Variants in TMC5 observed in about 807,000 individuals in gnomAD.
TMC5 encodes transmembrane channel-like protein 5.
Under a neutral mutation model 110.5 loss-of-function variants are expected in TMC5, and 86 were observed. The ratio of observed to expected loss-of-function variants is 0.78; its 90% CI spans 0.65 to 0.93. TMC5 has a LOEUF of 0.93. Among genes scored for constraint, TMC5 ranks in the 40% least tolerant of loss-of-function variants. The pLI is 0.00. For synonymous variants in TMC5, 455 were observed against 439.5 expected (o/e 1.04, Z -0.44); for missense variants, 1,144 against 1,222.8 (o/e 0.94, Z 0.96).
At position 19,494,379 on chromosome 16, in the gene TMC5, G is replaced by C. The variant is rs762496725; in HGVS notation, c.2931+13G>C. ...GAGAGAGGTGGAGGTGAGTCTGGAG[G>C]CTGCCTTGGGGACCCCTGGGACACG... On this transcript the variant is annotated intron_variant, in intron 20 of 21. Transcript: ENST00000542583. 2 of 1,606,540 alleles carry C rather than the reference G, an allele frequency of 1.2e-6. No homozygotes were observed. The highest frequency in any genetic ancestry group is 2.2e-5 in the South Asian group (2 of 90,416).
rs369833533 is a variant in TMC5, at chr16:19,463,439, CAG to C, written c.1236+73_1236+74del. 1.4e-4 allele frequency: 172 copies of C among 1,262,002 alleles called. 2 individuals are homozygous for C. The East Asian group carries it at 1.4e-3, about 10-fold the overall frequency. 78.2% of individuals were successfully genotyped at this position (1,262,002 alleles called of 1,614,324 possible). On this transcript the variant is annotated intron_variant, in intron 7 of 21. Coordinates refer to ENST00000542583, the MANE Select transcript of TMC5 (RefSeq NM_001261841.2). ...AGGAGAGTGAGGATGAAAGGGGACT[CAG>C]GGGGAAGATGAACCAAAAATCAGAG...
intron 8 of TMC5, among the ~76,000 whole-genome samples, chr16:19,465,580 T>C (rs1025182790): frequency 6.6e-6 from 1 of 152,174 alleles, no homozygotes; most frequent in Non-Finnish European, 1.5e-5. Context: ...CCCTTTTTTC[T>C]TGACATTGGC....
intron 19 of TMC5, among the ~76,000 whole-genome samples, chr16:19,493,271 CTT>C (rs1290695649): frequency 6.6e-6 from 1 of 151,596 alleles, no homozygotes. Context: ...GAGATAAAGA[CTT>C]TTAAAAATAA....
intron 2 of TMC5, among the ~76,000 whole-genome samples, chr16:19,437,650 T>C (rs1967377591): frequency 6.6e-6 from 1 of 152,346 alleles, no homozygotes; most frequent in East Asian, 1.9e-4. Flanking sequence ...TTCAAAAATA[T>C]TGCCGTTCAT....
At chr16:19,449,516 C>G in intron 4 of TMC5, 26 bp from the exon 5 acceptor site, 1 of 1,593,262 alleles carries the variant, frequency 6.3e-7, no homozygotes, top group Non-Finnish European at 8.6e-7. Flanking sequence ...GACTAATCGG[C>G]AATATCTCCT....
Position 19,440,194 on chromosome 16 carries a change from C to T in TMC5, c.156C>T (p.Ser52=), listed in dbSNP as rs1324342022. ...ATCCAGACTACCCCGGCACCAGGAG[C>T]AATCCATACTCTGTAGCCTCCAGAA... The part of the protein sequence containing the change: ...LNNPDYPGTR[S]NPYSVASRTR... The change falls in exon 3 of 22, where the codon AGC becomes AGT. Residue 52 remains serine, a synonymous_variant. Coordinates refer to ENST00000542583, the MANE Select transcript of TMC5 (RefSeq NM_001261841.2). 4 of 1,614,054 alleles carry T rather than the reference C, an allele frequency of 2.5e-6. No homozygotes were observed. The African/African-American group carries it at 5.3e-5, about 22-fold the overall frequency.
chr16:19,440,384 C>T lies in TMC5; in HGVS notation c.346C>T (p.His116Tyr), dbSNP rs1555480987. ...PEPDYSEFQS[H>Y]PYHRASSRQP... is the part of the protein sequence containing the mutation. ...GCCAGATTATAGTGAATTTCAGAGT[C>T]ATCCCTACCACCGAGCATCATCCAG... The change falls in exon 3 of 22, where the codon CAT becomes TAT. Residue 116 changes from histidine to tyrosine, a missense_variant. Physicochemically the swap from His to Tyr is moderately conservative, Grantham distance 83. Coordinates refer to ENST00000542583, the MANE Select transcript of TMC5 (RefSeq NM_001261841.2). 6.2e-7 allele frequency: 1 copy of T among 1,614,072 alleles called. No homozygotes were observed. The highest frequency in any genetic ancestry group is 2.2e-5 in the East Asian group (1 of 44,882).
intron 10 of TMC5, among the ~76,000 whole-genome samples, chr16:19,471,443 T>A (rs910692564): frequency 1.3e-5 from 2 of 152,192 alleles, no homozygotes; most frequent in African/African-American, 2.4e-5. Flanking sequence ...TTTCTCAGTG[T>A]AGATACCCAA....
intron 2 of TMC5, among the ~76,000 whole-genome samples, chr16:19,433,493 A>G (rs1567299929): frequency 6.6e-6 from 1 of 152,096 alleles, no homozygotes; most frequent in Non-Finnish European, 1.5e-5. Flanking sequence ...CCCCTCTTGG[A>G]GTTAGAGCTT....
At chr16:19,465,060 C>CG (rs1968143170) in intron 8 of TMC5, among the ~76,000 whole-genome samples, 1 of 103,772 alleles carries the variant, frequency 9.6e-6, no homozygotes, top group Non-Finnish European at 1.8e-5. Context: ...TCTTTCTTTT[C>CG]CTTCCTTCCT....
chr16:19,434,034 AT>A (rs1967252806), intron 2 of TMC5, among the ~76,000 whole-genome samples: 4 of 6,654 alleles, frequency 6.0e-4, no homozygotes, highest in African/African-American at 1.4e-3. Context: ...AAATCTATAT[AT>A]TATATATATA....
At position 19,473,345 on chromosome 16, in the gene TMC5, C is replaced by CAAAAAAAAAAAAAA. The variant is rs35872301; in HGVS notation, c.1939-757_1939-744dup. Among the ~76,000 whole-genome samples, 5 of 20,240 alleles carry CAAAAAAAAAAAAAA rather than the reference C, an allele frequency of 2.5e-4. 1 individual carries two copies. The highest frequency in any genetic ancestry group is 4.0e-4 in the African/African-American group (4 of 10,048). The allele number at this position is 20,240 out of a possible 152,430, so 13.3% of individuals were successfully genotyped here. ...TGGGCAACAGAGCGAGACTCCGGCTCAAAAAAAAAAAAAAAAAAAAAAAAA... is the reference window on the plus strand; with the variant it reads ...TGGGCAACAGAGCGAGACTCCGGCTCAAAAAAAAAAAAAAAAAAAAAAAAAAAAAAAAAAAAAAA... On this transcript the variant is annotated intron_variant, in intron 11 of 21. Transcript: ENST00000542583.
Position 19,466,062 on chromosome 16 carries a change from T to C in TMC5, c.1486-20T>C. The C allele has an allele frequency of 6.2e-7, 1 of 1,612,726 alleles. No homozygotes were observed. The highest frequency in any genetic ancestry group is 8.5e-7 in the Non-Finnish European group (1 of 1,179,296). ...TTTTTCAGGAGATCCACCTGACCTA[T>C]GGTTTATTGTACCTTTCAGGGTTAT... is the stretch of plus-strand genomic sequence containing the variant. On this transcript the variant is annotated intron_variant, in intron 8 of 21. Transcript: ENST00000542583.
chr16:19,417,469 AG>A (rs1966887307), upstream of TMC5, among the ~76,000 whole-genome samples: 1 of 150,298 alleles, frequency 6.7e-6, no homozygotes, highest in Admixed American at 6.7e-5. Context: ...TGTCTAGTGG[AG>A]CATCACGTTC....
rs573097887 is a variant in TMC5 at position 19,486,269 on chromosome 16, T to C, written c.2364-676T>C. 1.4e-3 allele frequency among the ~76,000 whole-genome samples: 208 copies of C among 152,178 alleles called. 1 individual carries two copies. The highest frequency in any genetic ancestry group is 1.6e-3 in the Non-Finnish European group (109 of 67,998). ...GGGTGGGGTTGGTTTCTTCTGAGGG[T>C]CATAAGGGAGGGATCTGTCTCAAGC... On this transcript the variant is annotated intron_variant, in intron 15 of 21. Coordinates refer to ENST00000542583, the MANE Select transcript of TMC5 (RefSeq NM_001261841.2).
At chr16:19,411,064 C>T (rs1966854723) in exon 1 of TMC5, 1 of 152,320 alleles carries the variant, frequency 6.6e-6, no homozygotes, top group African/African-American at 2.4e-5. Context: ...AGAAAGCTTC[C>T]GGGGAATGCA....
intron 19 of TMC5, 177 bp downstream of exon 19, chr16:19,492,405 C>T (rs1968930693): frequency 2.4e-6 from 1 of 416,220 alleles, no homozygotes; most frequent in African/African-American, 2.0e-5. Flanking sequence ...CAGCAAATCC[C>T]TTATTTTTAT....
chr16:19,490,029 C>T (rs1968847414), intron 17 of TMC5, among the ~76,000 whole-genome samples: 1 of 152,154 alleles, frequency 6.6e-6, no homozygotes, highest in Non-Finnish European at 1.5e-5. Flanking sequence ...AAGCAATCCT[C>T]CCACCTTGAC....
chr16:19,411,318 GAAAAAGAAAGGTT>G (rs918516224), intron 1 of TMC5: 1 of 152,092 alleles, frequency 6.6e-6, no homozygotes, highest in African/African-American at 2.4e-5. Flanking sequence ...AAAACAAAAG[GAAAAAGAAAGGTT>G]AAAATTAGAC....
Sources: allele counts gnomAD v4.1 joint callset (sites outside exome capture counted in the v4.1 genomes callset), GRCh38; gene constraint gnomAD v4.1.1; transcripts MANE v1.5; gene names NCBI Gene and HGNC (gene_info 2026-07-23, HGNC 2026-07-21).